Variants in THSD7B observed in about 807,000 individuals in gnomAD.
THSD7B encodes the protein thrombospondin type-1 domain-containing protein 7B.
A neutral mutation model predicts 213.6 loss-of-function variants in THSD7B; 138 were observed. That is an observed-to-expected ratio of 0.65 (90% CI 0.56 to 0.74). The LOEUF (loss-of-function observed/expected upper bound fraction) is 0.74. THSD7B is among the 30% of genes least tolerant of loss of function. The pLI is 0.00. For missense variants in THSD7B, 1,931 were observed against 1,991.5 expected (o/e 0.97, Z 0.58); for synonymous variants, 742 against 687.0 (o/e 1.08, Z -1.25).
chr2:137,539,068 A>G (rs1272448800), intron 15 of THSD7B, among the ~76,000 whole-genome samples: 3 of 151,712 alleles, frequency 2.0e-5, no homozygotes, highest in African/African-American at 7.2e-5. Context: ...ATAAATCACA[A>G]GTTCTTTACT....
chr2:137,191,346 G>T (rs931129529), intron 7 of THSD7B, among the ~76,000 whole-genome samples: 2 of 152,024 alleles, frequency 1.3e-5, no homozygotes, highest in Non-Finnish European at 2.9e-5. Flanking sequence ...TTTCAAAATT[G>T]TATGTAAATC....
intron 5 of THSD7B, among the ~76,000 whole-genome samples, chr2:137,150,150 G>A (rs1167400368): frequency 6.6e-6 from 1 of 151,846 alleles, no homozygotes; most frequent in Non-Finnish European, 1.5e-5. Context: ...GCTGAGGCAG[G>A]AGAATCATTT....
At chr2:136,933,584 C>CA (rs1236298038) in intron 2 of THSD7B, among the ~76,000 whole-genome samples, 2 of 151,710 alleles carry the variant, frequency 1.3e-5, no homozygotes, top group African/African-American at 2.4e-5. Flanking sequence ...GTCTCAAAAA[C>CA]AAAAAAACAA....
intron 7 of THSD7B, among the ~76,000 whole-genome samples, chr2:137,181,205 G>A (rs1265525686): frequency 6.6e-6 from 1 of 152,160 alleles, no homozygotes; most frequent in Admixed American, 6.6e-5. Flanking sequence ...TGAAAAAGGA[G>A]ATATGTGAAA....
chr2:137,424,142 T>C (rs552107829), intron 14 of THSD7B, among the ~76,000 whole-genome samples: 3 of 152,160 alleles, frequency 2.0e-5, no homozygotes, highest in Admixed American at 2.0e-4. Flanking sequence ...TCTTTCCTTA[T>C]ACCATGACAA....
At chr2:137,096,578 C>A (rs78736282) in intron 4 of THSD7B, among the ~76,000 whole-genome samples, 237 of 152,294 alleles carry the variant, frequency 1.6e-3, no homozygotes, top group African/African-American at 5.4e-3. Context: ...AGATGCAGTG[C>A]ATGCCTTTTT....
At chr2:137,502,631 CTCA>C (rs946196512) in intron 15 of THSD7B, among the ~76,000 whole-genome samples, 178 of 152,300 alleles carry the variant, frequency 1.2e-3, no homozygotes, top group African/African-American at 4.0e-3. Context: ...AGCTGGAATT[CTCA>C]TCATAACTAC....
At chr2:136,975,046 T>C (rs1045568292) in intron 2 of THSD7B, among the ~76,000 whole-genome samples, 1 of 37,834 alleles carries the variant, frequency 2.6e-5, no homozygotes, top group African/African-American at 1.5e-4. Flanking sequence ...AATGGTTTGT[T>C]TTTTTTTTTT....
intron 15 of THSD7B, among the ~76,000 whole-genome samples, chr2:137,545,905 C>T (rs955031324): frequency 2.0e-5 from 3 of 151,622 alleles, no homozygotes; most frequent in Non-Finnish European, 4.4e-5. Flanking sequence ...TGAGGGCTGA[C>T]CACATTGAAT....
chr2:137,358,717 AG>A, intron 12 of THSD7B, among the ~76,000 whole-genome samples: 1 of 152,326 alleles, frequency 6.6e-6, no homozygotes, highest in Admixed American at 6.5e-5. Context: ...TCTTGAGGTC[AG>A]ATGCCATATC....
chr2:136,882,105 A>C, intron 1 of THSD7B, 39 bp from the exon 2 acceptor site: 1 of 1,374,588 alleles, frequency 7.3e-7, no homozygotes, highest in Non-Finnish European at 9.5e-7. Context: ...TCTTTTCTTT[A>C]CAGAAGAAAC....
At chr2:136,819,271 T>C (rs970416899) in intron 1 of THSD7B, among the ~76,000 whole-genome samples, 1 of 152,208 alleles carries the variant, frequency 6.6e-6, no homozygotes, top group African/African-American at 2.4e-5. Flanking sequence ...GCAGTAATAG[T>C]GCACATCTGT....
intron 3 of THSD7B, among the ~76,000 whole-genome samples, chr2:137,069,329 T>C (rs1165787148): frequency 1.3e-5 from 2 of 152,094 alleles, no homozygotes; most frequent in African/African-American, 2.4e-5. Context: ...TCACCTTGTT[T>C]CCTTTTTATT....
chr2:137,134,029 A>G (rs775454095), intron 5 of THSD7B, among the ~76,000 whole-genome samples: 3 of 152,202 alleles, frequency 2.0e-5, no homozygotes, highest in Non-Finnish European at 1.5e-5. Context: ...TGTGTTGAGT[A>G]TTCACTTTGT....
intron 5 of THSD7B, among the ~76,000 whole-genome samples, chr2:137,154,808 T>C (rs1206177063): frequency 1.3e-5 from 2 of 152,206 alleles, no homozygotes; most frequent in East Asian, 3.8e-4. Context: ...GAATTCACCA[T>C]GTCATTAAGG....
At chr2:137,448,836 C>CAAAAA (rs1553450627) in intron 14 of THSD7B, among the ~76,000 whole-genome samples, 1 of 147,478 alleles carries the variant, frequency 6.8e-6, no homozygotes, top group Admixed American at 6.7e-5. Context: ...ACAACAACAA[C>CAAAAA]AAAAACTACC....
intron 4 of THSD7B, among the ~76,000 whole-genome samples, chr2:137,112,772 C>CTTGT (rs1553471777): frequency 6.7e-6 from 1 of 149,824 alleles, no homozygotes; most frequent in Admixed American, 6.7e-5. Context: ...TGTTAATGTA[C>CTTGT]GTGTGTGTGT....
intron 12 of THSD7B, among the ~76,000 whole-genome samples, chr2:137,321,251 T>A (rs1267457169): frequency 6.6e-6 from 1 of 152,234 alleles, no homozygotes; most frequent in Admixed American, 6.5e-5. Context: ...CTAAATTATG[T>A]ATGGTGTAGA....
chr2:137,587,736 A>C (rs6711088), intron 17 of THSD7B, among the ~76,000 whole-genome samples: 1 of 152,200 alleles, frequency 6.6e-6, no homozygotes, highest in Admixed American at 6.5e-5. Flanking sequence ...TGAGGTGTCA[A>C]TCTGCCCCTA....
Sources: gnomAD v4.1 joint callset for allele counts (sites outside exome capture counted in the v4.1 genomes callset) on GRCh38, gnomAD v4.1.1 for gene constraint, MANE v1.5 for transcripts, NCBI Gene and HGNC (gene_info 2026-07-23, HGNC 2026-07-21) for gene names.